RGS12: variants seen among roughly 807,000 people sequenced by gnomAD.
RGS12 encodes regulator of G-protein signaling 12.
Under a neutral mutation model 120.1 loss-of-function variants are expected in RGS12, and 66 were observed. The ratio of observed to expected loss-of-function variants is 0.55; its 90% CI spans 0.45 to 0.67. The LOEUF (loss-of-function observed/expected upper bound fraction) is 0.67. RGS12 is among the 30% of genes least tolerant of loss of function. The pLI is 0.00. For synonymous variants in RGS12, 827 were observed against 804.7 expected, an observed-to-expected ratio of 1.03 and a Z score of -0.47; for missense variants, 1,859 against 1,957.7, an observed-to-expected ratio of 0.95 and a Z score of 0.95.
rs765818677 is a variant in RGS12 at position 3,430,540 on chromosome 4, T to C, written c.3699T>C (p.Thr1233=). 6.2e-7 allele frequency: 1 copy of C among 1,613,250 alleles called. No homozygotes were observed. The highest frequency in any genetic ancestry group is 1.7e-5 in the Admixed American group (1 of 60,012). ...GTTCCACAGAACTCACCCTCCCCAC[T>C]CCAGCTGCTGTGGCCAAGGGCTTTA... ...PPGSTELTLP[T]PAAVAKGFSK... Residue 1233 remains threonine, a synonymous_variant, in exon 17 of 18, where the codon ACT becomes ACC. Coordinates refer to ENST00000336727, the MANE Select transcript of RGS12 (RefSeq NM_001394154.1).
intron 3 of RGS12, chr4:3,370,217 T>G: frequency 1.2e-6 from 2 of 1,603,526 alleles, no homozygotes; most frequent in Non-Finnish European, 1.7e-6. Context: ...AGCTGCGGTG[T>G]TGAATGGTGT....
chr4:3,385,178 G>C (rs1306919694), intron 3 of RGS12: 1 of 152,324 alleles, frequency 6.6e-6, no homozygotes. Context: ...TGGCCAGGAG[G>C]TACCAGGTTG....
intron 3 of RGS12, among the ~76,000 whole-genome samples, chr4:3,353,053 T>C (rs563066839): frequency 4.6e-5 from 7 of 152,232 alleles, no homozygotes; most frequent in South Asian, 2.1e-4. Flanking sequence ...CCCTCCAGAG[T>C]GCGTGTGGTG....
intron 17 of RGS12, among the ~76,000 whole-genome samples, chr4:3,439,070 A>T (rs1725071383): frequency 6.6e-6 from 1 of 150,774 alleles, no homozygotes; most frequent in African/African-American, 2.5e-5. Flanking sequence ...GTGGCCCTTG[A>T]GGATGGGCCC....
intron 2 of RGS12, among the ~76,000 whole-genome samples, chr4:3,339,510 C>A (rs74604640): frequency 0.077 from 11,683 of 152,180 alleles, 805 homozygotes; most frequent in African/African-American, 0.19. Context: ...ACTCTCTTAT[C>A]ACTGTCCATC....
At position 3,352,403 on chromosome 4, in the gene RGS12, A is replaced by G. The variant is rs114726087; in HGVS notation, c.1998+9350A>G. Among the ~76,000 whole-genome samples, 340 of 152,258 alleles carry G rather than the reference A, an allele frequency of 2.2e-3. 1 individual carries two copies. Among genetic ancestry groups the G allele is most frequent in the African/African-American group, 7.8e-3 (322 of 41,548 alleles). On this transcript the variant is annotated intron_variant, in intron 3 of 17. Coordinates refer to ENST00000336727, the MANE Select transcript of RGS12 (RefSeq NM_001394154.1). The stretch of plus-strand genomic sequence containing the variant: ...CTCATACCAGTTCTAAGAATTGATG[A>G]TTCTTTCCACAGGTGATCCTTCTCC...
At chr4:3,308,316 T>C (rs1347642022) in intron 1 of RGS12, among the ~76,000 whole-genome samples, 1 of 152,242 alleles carries the variant, frequency 6.6e-6, no homozygotes, top group Non-Finnish European at 1.5e-5. Flanking sequence ...GGCTGTGTCC[T>C]CGACGCGAGG....
At position 3,420,703 on chromosome 4, in the gene RGS12, G is replaced by A. The variant is rs538053152; in HGVS notation, c.2823G>A (p.Ala941=). 1.2e-5 allele frequency: 19 copies of A among 1,612,496 alleles called. No individual in the cohort carries two copies. The South Asian group carries it at 1.4e-4, about 12-fold the overall frequency. The change falls in exon 10 of 18, where the codon GCG becomes GCA. Residue 941 remains alanine (A), a synonymous_variant. Coordinates refer to ENST00000336727, the MANE Select transcript of RGS12 (RefSeq NM_001394154.1). Reference sequence around the variant, plus strand: ...AGTCGCAGGGCTCTGTGTCCTCTGCGGGGAGCCTGGACCTGGTGAGTCACT... The same window carrying A: ...AGTCGCAGGGCTCTGTGTCCTCTGCAGGGAGCCTGGACCTGGTGAGTCACT... ...RRESQGSVSS[A]GSLDLSEACR...
upstream of RGS12, among the ~76,000 whole-genome samples, chr4:3,289,962 T>C (rs1326945643): frequency 6.6e-6 from 1 of 152,250 alleles, no homozygotes; most frequent in Non-Finnish European, 1.5e-5. Flanking sequence ...CCCCCAGGTT[T>C]ATCTGTGTTG....
At chr4:3,435,986 A>C (rs997097306) in intron 17 of RGS12, among the ~76,000 whole-genome samples, 1 of 141,396 alleles carries the variant, frequency 7.1e-6, no homozygotes, top group African/African-American at 2.7e-5. Flanking sequence ...CCTATTCCCC[A>C]CTCACCACAC....
chr4:3,377,982 G>C (rs1341103987), intron 3 of RGS12, among the ~76,000 whole-genome samples: 1 of 152,096 alleles, frequency 6.6e-6, no homozygotes, highest in African/African-American at 2.4e-5. Flanking sequence ...GACTTACTGG[G>C]GTCTTTTTCC....
intron 13 of RGS12, 108 bp downstream of exon 13, chr4:3,423,749 C>G: frequency 7.2e-7 from 1 of 1,393,350 alleles, no homozygotes. Flanking sequence ...CGGTGTCTTC[C>G]CCTGATCTGG....
intron 1 of RGS12, among the ~76,000 whole-genome samples, chr4:3,307,544 T>G (rs1724041376): frequency 6.6e-6 from 1 of 152,250 alleles, no homozygotes; most frequent in Non-Finnish European, 1.5e-5. Context: ...CAGAAATAAT[T>G]GCATTCAGAC....
rs1724390347 is a variant in RGS12 at position 3,432,366 on chromosome 4, A to G, written c.4114+1411A>G. ...GAGCACCTGGTGTGCTCCCAGCAGC[A>G]CAGCTGTGCGGCGGGACAGCAGAAG... On this transcript the variant is annotated intron_variant, in intron 17 of 17. Coordinates refer to ENST00000336727, the MANE Select transcript of RGS12 (RefSeq NM_001394154.1). 2.4e-5 allele frequency: 5 copies of G among 205,004 alleles called. No individual in the cohort carries two copies. The South Asian group carries it at 8.5e-4, about 35-fold the overall frequency. The allele number at this position is 205,004 out of a possible 1,614,324, so 12.7% of individuals were successfully genotyped here. A position where few individuals can be genotyped will look rare whatever the true frequency, so the allele number is the denominator to read the frequency against.
chr4:3,362,579 GGT>G (rs932891516), intron 3 of RGS12, among the ~76,000 whole-genome samples: 14 of 136,984 alleles, frequency 1.0e-4, no homozygotes, highest in Admixed American at 2.9e-4. Flanking sequence ...TTGGTGTGAG[GGT>G]GTGAGGGTGT....
chr4:3,337,272 A>C (rs972633312), intron 2 of RGS12, among the ~76,000 whole-genome samples: 1 of 152,336 alleles, frequency 6.6e-6, no homozygotes, highest in South Asian at 2.1e-4. Context: ...ACTGCTGGGA[A>C]TGCCAAGTGC....
At chr4:3,290,529 G>A (rs188447992), upstream of RGS12, among the ~76,000 whole-genome samples, 70 of 152,364 alleles carry the variant, frequency 4.6e-4, 2 homozygotes, top group East Asian at 0.013. Context: ...CATCCGTGTC[G>A]TAGCCTGTGT....
At chr4:3,397,476 G>A (rs1183696716) in intron 4 of RGS12, among the ~76,000 whole-genome samples, 1 of 152,242 alleles carries the variant, frequency 6.6e-6, no homozygotes, top group African/African-American at 2.4e-5. Context: ...AGGAACCCAA[G>A]AGAGAGTAGT....
At chr4:3,386,268 G>A (rs1031291441) in intron 3 of RGS12, 148 bp from the exon 4 acceptor site, 17 of 736,776 alleles carry the variant, frequency 2.3e-5, no homozygotes, top group African/African-American at 1.4e-4. Flanking sequence ...TCATTGGGCC[G>A]TCTGGCTTTC....
Sources: gnomAD v4.1 joint callset for allele counts (sites outside exome capture counted in the v4.1 genomes callset) on GRCh38, gnomAD v4.1.1 for gene constraint, MANE v1.5 for transcripts, NCBI Gene and HGNC (gene_info 2026-07-23, HGNC 2026-07-21) for gene names.